KCNQ5: variants seen among roughly 807,000 people sequenced by gnomAD.
KCNQ5 encodes the protein potassium voltage-gated channel subfamily Q member 5.
Under a neutral mutation model 98.2 loss-of-function variants are expected in KCNQ5, and 30 were observed. The ratio of observed to expected loss-of-function variants is 0.31; its 90% CI spans 0.23 to 0.41. The LOEUF is 0.41. Among genes scored for constraint, KCNQ5 ranks in the 10% least tolerant of loss-of-function variants. The pLI, the probability that KCNQ5 is intolerant of heterozygous loss-of-function variation, is 1.00. For missense variants in KCNQ5, 835 were observed against 1,182.5 expected (o/e 0.71, Z 4.31); for synonymous variants, 458 against 449.4 (o/e 1.02, Z -0.24).
intron 1 of KCNQ5, among the ~76,000 whole-genome samples, chr6:72,710,852 C>T (rs1037150149): frequency 1.3e-4 from 20 of 152,122 alleles, no homozygotes; most frequent in African/African-American, 4.8e-4. Context: ...ACCTAACAGA[C>T]ATATACAGAA....
chr6:72,779,785 C>T (rs528046490), intron 1 of KCNQ5, among the ~76,000 whole-genome samples: 2 of 151,786 alleles, frequency 1.3e-5, no homozygotes, highest in Admixed American at 1.3e-4. Context: ...GCTGGGACCA[C>T]AGGCACGAGT....
chr6:72,934,151 G>C (rs553562125), intron 1 of KCNQ5, among the ~76,000 whole-genome samples: 1 of 152,146 alleles, frequency 6.6e-6, no homozygotes, highest in East Asian at 1.9e-4. Context: ...CTTGAGTTAC[G>C]GGGTTTCTCT....
intron 7 of KCNQ5, among the ~76,000 whole-genome samples, 182 bp downstream of exon 7, chr6:73,111,585 CA>C (rs1440521800): frequency 2.6e-5 from 4 of 152,196 alleles, no homozygotes; most frequent in African/African-American, 4.8e-5. Flanking sequence ...CCTCCTCTCC[CA>C]AACTGAAACA....
At chr6:73,151,172 G>C (rs575338316) in intron 10 of KCNQ5, among the ~76,000 whole-genome samples, 132 of 152,168 alleles carry the variant, frequency 8.7e-4, no homozygotes, top group African/African-American at 3.0e-3. Flanking sequence ...AATAATAAAA[G>C]TCAAATGATA....
At chr6:73,065,065 T>A (rs1470591681) in intron 3 of KCNQ5, among the ~76,000 whole-genome samples, 3 of 88,992 alleles carry the variant, frequency 3.4e-5, no homozygotes, top group Admixed American at 2.2e-4. Flanking sequence ...AAAAAAAAAA[T>A]CTACTGCCTG....
intron 1 of KCNQ5, among the ~76,000 whole-genome samples, chr6:72,747,294 T>C (rs962588682): frequency 1.3e-5 from 2 of 152,184 alleles, no homozygotes; most frequent in African/African-American, 4.8e-5. Context: ...CCTGCTGTGA[T>C]ACCTTATTTA....
chr6:73,192,452 T>A (rs1383945672), intron 12 of KCNQ5, 113 bp from the exon 13 acceptor site: 1 of 894,592 alleles, frequency 1.1e-6, no homozygotes, highest in Non-Finnish European at 1.6e-6. Context: ...TTATTTCATC[T>A]TACATAAATT....
intron 1 of KCNQ5, among the ~76,000 whole-genome samples, chr6:72,635,831 G>A (rs1026319719): frequency 3.3e-5 from 5 of 151,782 alleles, no homozygotes; most frequent in African/African-American, 4.8e-5. Flanking sequence ...CTCTAAGAGT[G>A]TACTGCCTAC....
chr6:72,968,330 A>G (rs768699816), intron 1 of KCNQ5, among the ~76,000 whole-genome samples: 10 of 152,198 alleles, frequency 6.6e-5, no homozygotes, highest in Non-Finnish European at 1.0e-4. Flanking sequence ...ACCGTGTGAG[A>G]CATTTTATTA....
At chr6:72,695,455 T>TA (rs1323695736) in intron 1 of KCNQ5, among the ~76,000 whole-genome samples, 1 of 152,168 alleles carries the variant, frequency 6.6e-6, no homozygotes, top group Non-Finnish European at 1.5e-5. Context: ...CAAATTTTCT[T>TA]ACAACAAAAC....
chr6:72,750,257 C>T (rs1771608622), intron 1 of KCNQ5, among the ~76,000 whole-genome samples: 2 of 151,782 alleles, frequency 1.3e-5, no homozygotes, highest in Admixed American at 6.6e-5. Flanking sequence ...TGAAAGAATG[C>T]CTAGGAATGA....
chr6:72,966,000 G>A (rs1409224063), intron 1 of KCNQ5, among the ~76,000 whole-genome samples: 1 of 152,200 alleles, frequency 6.6e-6, no homozygotes, highest in Non-Finnish European at 1.5e-5. Flanking sequence ...CCAAGGCCGT[G>A]TGCTGGAGCA....
chr6:72,770,252 G>T (rs1226603659), intron 1 of KCNQ5, among the ~76,000 whole-genome samples: 1 of 152,134 alleles, frequency 6.6e-6, no homozygotes, highest in East Asian at 1.9e-4. Flanking sequence ...AGAGAGGAAA[G>T]AGACAAAGGC....
intron 1 of KCNQ5, among the ~76,000 whole-genome samples, chr6:72,791,562 C>A (rs1774044317): frequency 6.6e-6 from 1 of 152,122 alleles, no homozygotes; most frequent in African/African-American, 2.4e-5. Context: ...TGGTGGATTA[C>A]TTTTGTAAAT....
rs193146035 is a variant in KCNQ5 at position 72,697,569 on chromosome 6, T to G, written c.398+74982T>G. ...CAGAATGAGAAAATTTAGAAGAAAT[T>G]AGGATATAATTCCTTAGGTTTCTGT... On this transcript the variant is annotated intron_variant, in intron 1 of 13. Transcript: ENST00000370398. 3.0e-4 allele frequency among the ~76,000 whole-genome samples: 46 copies of G among 152,312 alleles called. No individual in the cohort carries two copies. In the East Asian group the frequency reaches 6.2e-3, roughly 20 times the overall value.
chr6:73,095,409 A>G (rs1374345185), intron 5 of KCNQ5, among the ~76,000 whole-genome samples: 2 of 152,028 alleles, frequency 1.3e-5, no homozygotes, highest in Non-Finnish European at 2.9e-5. Flanking sequence ...TAACCTCCTC[A>G]ATTCTTTTTC....
chr6:73,016,506 A>G (rs1051068054), intron 2 of KCNQ5, among the ~76,000 whole-genome samples: 2 of 152,150 alleles, frequency 1.3e-5, no homozygotes, highest in African/African-American at 4.8e-5. Flanking sequence ...CCATTTAATT[A>G]TATAACACTA....
intron 1 of KCNQ5, among the ~76,000 whole-genome samples, chr6:72,881,888 C>T (rs576324288): frequency 1.1e-4 from 17 of 152,166 alleles, no homozygotes; most frequent in African/African-American, 3.1e-4. Flanking sequence ...GATGGGGTTT[C>T]GCCATGTTGG....
At chr6:73,153,904 T>TAG (rs1777250326) in intron 10 of KCNQ5, among the ~76,000 whole-genome samples, 1 of 147,640 alleles carries the variant, frequency 6.8e-6, no homozygotes, top group Non-Finnish European at 1.5e-5. Context: ...TCAATTCCAC[T>TAG]AAAAAAAAAA....
Sources: allele counts gnomAD v4.1 joint callset (sites outside exome capture counted in the v4.1 genomes callset), GRCh38; gene constraint gnomAD v4.1.1; transcripts MANE v1.5; gene names NCBI Gene and HGNC (gene_info 2026-07-23, HGNC 2026-07-21).